Variants in EYS observed in about 807,000 individuals in gnomAD.
EYS encodes the protein protein eyes shut homolog.
A neutral mutation model predicts 282.1 loss-of-function variants in EYS; 250 were observed. That is an observed-to-expected ratio of 0.89 (90% CI 0.80 to 0.98). The LOEUF (loss-of-function observed/expected upper bound fraction) is 0.98, where lower values mean the gene tolerates loss of function less well. EYS is among the 50% of genes least tolerant of loss of function. The probability of loss-of-function intolerance (pLI) is 0.00; values close to 1 mark genes in which losing one functional copy is unlikely to be tolerated. For missense variants in EYS, 4,016 were observed against 3,709.0 expected (o/e 1.08, Z -2.15); for synonymous variants, 1,355 against 1,282.9 (o/e 1.06, Z -1.20).
At chr6:63,813,486 C>G (rs566810986) in intron 36 of EYS, among the ~76,000 whole-genome samples, 1 of 152,056 alleles carries the variant, frequency 6.6e-6, no homozygotes, top group Admixed American at 6.5e-5. Context: ...TGTATGATAC[C>G]TTTAAGATCA....
chr6:64,969,652 A>G (rs1390654758), intron 14 of EYS, among the ~76,000 whole-genome samples: 1 of 152,110 alleles, frequency 6.6e-6, no homozygotes, highest in Non-Finnish European at 1.5e-5. Context: ...TGGTGCAGAC[A>G]TCTCTGCATT....
chr6:64,142,459 A>G (rs1486247651), intron 31 of EYS, among the ~76,000 whole-genome samples: 1 of 152,088 alleles, frequency 6.6e-6, no homozygotes, highest in African/African-American at 2.4e-5. Flanking sequence ...TGGCCAGGTC[A>G]GTGAGAAATA....
At chr6:64,981,453 C>A (rs1399797880) in intron 14 of EYS, among the ~76,000 whole-genome samples, 2 of 151,126 alleles carry the variant, frequency 1.3e-5, no homozygotes, top group Admixed American at 6.6e-5. Flanking sequence ...CTGGAGCCAC[C>A]CTTCACCTCC....
chr6:64,586,663 A>C (rs931376899), intron 26 of EYS, among the ~76,000 whole-genome samples: 3 of 152,092 alleles, frequency 2.0e-5, no homozygotes, highest in African/African-American at 7.2e-5. Context: ...TGATGCAGTA[A>C]ATTACGTTAT....
At chr6:64,489,593 T>C (rs1776678463) in intron 26 of EYS, among the ~76,000 whole-genome samples, 1 of 148,424 alleles carries the variant, frequency 6.7e-6, no homozygotes, top group Non-Finnish European at 1.5e-5. Context: ...AAATATTAAA[T>C]TTTAATATAA....
intron 2 of EYS, among the ~76,000 whole-genome samples, chr6:65,538,888 A>C (rs939427607): frequency 6.6e-6 from 1 of 152,178 alleles, no homozygotes; most frequent in Non-Finnish European, 1.5e-5. Flanking sequence ...CTACACCTTG[A>C]GTATTGCAAA....
chr6:64,028,707 CA>C (rs912266177), intron 33 of EYS, among the ~76,000 whole-genome samples: 12 of 152,180 alleles, frequency 7.9e-5, no homozygotes, highest in Non-Finnish European at 1.2e-4. Context: ...GGCACTGGCC[CA>C]AGATCTAGGC....
chr6:65,676,943 G>A (rs1017863374), intron 1 of EYS, among the ~76,000 whole-genome samples: 14 of 151,134 alleles, frequency 9.3e-5, no homozygotes, highest in African/African-American at 3.4e-4. Context: ...ACAGAATTAA[G>A]AGTGAAAACC....
intron 31 of EYS, among the ~76,000 whole-genome samples, chr6:64,213,899 A>C (rs752562762): frequency 6.6e-6 from 1 of 152,208 alleles, no homozygotes; most frequent in Non-Finnish European, 1.5e-5. Flanking sequence ...ACATCTGAAC[A>C]ATGGTATGGT....
At chr6:65,514,743 A>G (rs1225276896) in intron 2 of EYS, among the ~76,000 whole-genome samples, 5 of 152,340 alleles carry the variant, frequency 3.3e-5, no homozygotes, top group African/African-American at 1.2e-4. Context: ...CCATATGTAC[A>G]AAGCTGAAAC....
At chr6:65,524,614 T>C (rs2127301027) in intron 2 of EYS, among the ~76,000 whole-genome samples, 1 of 152,284 alleles carries the variant, frequency 6.6e-6, no homozygotes, top group East Asian at 1.9e-4. Flanking sequence ...TTCAGGTTGA[T>C]GGGAAGACAT....
At chr6:65,358,552 CATGCCATG>C (rs1423173141) in intron 8 of EYS, among the ~76,000 whole-genome samples, 6 of 150,174 alleles carry the variant, frequency 4.0e-5, no homozygotes, top group African/African-American at 1.5e-4. Flanking sequence ...CTGTATTTGG[CATGCCATG>C]AGAGAGAGAA....
chr6:64,796,135 G>A (rs1774348473), intron 22 of EYS, among the ~76,000 whole-genome samples: 1 of 152,192 alleles, frequency 6.6e-6, no homozygotes, highest in African/African-American at 2.4e-5. Flanking sequence ...AGAAGACAAT[G>A]CTTCTGAAAA....
chr6:65,092,823 G>C (rs1023500546), intron 12 of EYS, among the ~76,000 whole-genome samples: 4 of 152,094 alleles, frequency 2.6e-5, no homozygotes, highest in Non-Finnish European at 5.9e-5. Flanking sequence ...AAAGCCTAAG[G>C]TTCTTTTGAG....
At chr6:65,053,635 G>A (rs1459401686) in intron 13 of EYS, among the ~76,000 whole-genome samples, 1 of 151,814 alleles carries the variant, frequency 6.6e-6, no homozygotes, top group Non-Finnish European at 1.5e-5. Context: ...GCCAGCAAAT[G>A]TTTTCTATAG....
At chr6:64,569,801 A>G (rs551823131) in intron 26 of EYS, among the ~76,000 whole-genome samples, 6 of 152,312 alleles carry the variant, frequency 3.9e-5, no homozygotes, top group African/African-American at 1.4e-4. Flanking sequence ...CTATGTGGAA[A>G]GACCAAAACT....
intron 22 of EYS, among the ~76,000 whole-genome samples, chr6:64,747,298 TCTC>T (rs1297014960): frequency 6.6e-6 from 1 of 152,152 alleles, no homozygotes; most frequent in African/African-American, 2.4e-5. Context: ...TCTTTTCTCT[TCTC>T]TGCATTTTTC....
chr6:65,289,059 A>G (rs1394651388), intron 12 of EYS, among the ~76,000 whole-genome samples: 1 of 151,136 alleles, frequency 6.6e-6, no homozygotes, highest in East Asian at 1.9e-4. Context: ...GTTGGCATAT[A>G]TTTAAACCTT....
chr6:65,266,968 A>T (rs370580253), intron 12 of EYS, among the ~76,000 whole-genome samples: 27 of 137,396 alleles, frequency 2.0e-4, no homozygotes, highest in Middle Eastern at 3.4e-3. Flanking sequence ...ACACACACAC[A>T]TACCTTGACA....
Sources: allele counts gnomAD v4.1 joint callset (sites outside exome capture counted in the v4.1 genomes callset), GRCh38; gene constraint gnomAD v4.1.1; transcripts MANE v1.5; gene names NCBI Gene and HGNC (gene_info 2026-07-23, HGNC 2026-07-21).